Variants in IL1RAPL2 observed in about 807,000 individuals in gnomAD.
IL1RAPL2 encodes X-linked interleukin-1 receptor accessory protein-like 2.
In IL1RAPL2, 3 loss-of-function variants were observed where a neutral mutation model predicts 44.1. That is an observed-to-expected ratio of 0.07 (90% CI 0.03 to 0.18). IL1RAPL2 has a LOEUF of 0.18. IL1RAPL2 is among the 10% of genes least tolerant of loss of function. IL1RAPL2 has a pLI of 1.00. For missense variants in IL1RAPL2, 391 were observed against 496.4 expected (o/e 0.79, Z 2.02); for synonymous variants, 181 against 178.8 (o/e 1.01, Z -0.10).
At chrX:105,623,797 T>A (rs1051758536) in intron 6 of IL1RAPL2, among the ~76,000 whole-genome samples, 1 of 111,872 alleles carries the variant, frequency 8.9e-6, no homozygotes, top group Admixed American at 9.5e-5. Flanking sequence ...CAATAGATCA[T>A]GACCAAACAG....
At chrX:104,959,365 C>G (rs897514333) in intron 2 of IL1RAPL2, among the ~76,000 whole-genome samples, 9 of 110,305 alleles carry the variant, frequency 8.2e-5, no homozygotes, top group African/African-American at 2.3e-4. Flanking sequence ...GTCTACTGCA[C>G]GTATTCTTGG....
At chrX:105,172,646 C>T (rs148327300) in intron 2 of IL1RAPL2, among the ~76,000 whole-genome samples, 2,306 of 111,731 alleles carry the variant, frequency 0.021, 67 homozygotes, top group African/African-American at 0.072. Flanking sequence ...TCTGACTTCC[C>T]TCTCTTCTGC....
intron 6 of IL1RAPL2, among the ~76,000 whole-genome samples, chrX:105,485,367 A>G (rs1272905122): frequency 9.0e-6 from 1 of 111,514 alleles, no homozygotes; most frequent in Non-Finnish European, 1.9e-5. Context: ...TACATGAAAT[A>G]TTTTGATACA....
chrX:105,257,507 C>T (rs766936270), intron 4 of IL1RAPL2, among the ~76,000 whole-genome samples: 1 of 111,698 alleles, frequency 9.0e-6, no homozygotes, highest in African/African-American at 3.3e-5. Flanking sequence ...TTTTCTGCTT[C>T]GATGATCTGT....
chrX:104,838,690 C>A (rs5916834), intron 2 of IL1RAPL2, among the ~76,000 whole-genome samples: 5 of 109,523 alleles, frequency 4.6e-5, no homozygotes, highest in South Asian at 4.0e-4. Flanking sequence ...TTGATTTCCC[C>A]TCTTCCTATT....
At chrX:104,967,904 G>GA (rs970930520) in intron 2 of IL1RAPL2, among the ~76,000 whole-genome samples, 7 of 108,384 alleles carry the variant, frequency 6.5e-5, no homozygotes, top group Admixed American at 9.9e-5. Flanking sequence ...AAATCTGCAG[G>GA]AAAAAAAAGA....
chrX:104,758,700 G>A (rs1034518195), intron 2 of IL1RAPL2, among the ~76,000 whole-genome samples: 1 of 111,995 alleles, frequency 8.9e-6, no homozygotes, highest in African/African-American at 3.2e-5. Context: ...AGTTTTTTAA[G>A]CAGAAACTTG....
At chrX:105,128,543 A>G (rs2032997552) in intron 2 of IL1RAPL2, among the ~76,000 whole-genome samples, 1 of 111,551 alleles carries the variant, frequency 9.0e-6, no homozygotes, top group Non-Finnish European at 1.9e-5. Context: ...TATGATACAT[A>G]TAACTCATAT....
At chrX:105,074,640 C>A (rs931212829) in intron 2 of IL1RAPL2, among the ~76,000 whole-genome samples, 9 of 105,632 alleles carry the variant, frequency 8.5e-5, no homozygotes, top group South Asian at 4.5e-4. Flanking sequence ...GCAGTATGGC[C>A]ATTTTCACGA....
intron 2 of IL1RAPL2, among the ~76,000 whole-genome samples, chrX:104,683,075 T>C (rs943515743): frequency 9.0e-6 from 1 of 111,312 alleles, no homozygotes; most frequent in Non-Finnish European, 1.9e-5. Flanking sequence ...AAAGAAATGC[T>C]CTGCTGTATA....
intron 2 of IL1RAPL2, among the ~76,000 whole-genome samples, chrX:104,912,107 CTATCTTT>C (rs1259672228): frequency 1.1e-4 from 12 of 108,592 alleles, no homozygotes. Context: ...CATTGTCCTT[CTATCTTT>C]TATCAGCTGC....
chrX:105,729,598 G>C (rs759370418), intron 7 of IL1RAPL2, among the ~76,000 whole-genome samples: 2 of 110,242 alleles, frequency 1.8e-5, no homozygotes, highest in African/African-American at 3.3e-5. Context: ...CCATGTAGAA[G>C]TTTCTTAATC....
intron 2 of IL1RAPL2, among the ~76,000 whole-genome samples, chrX:105,171,604 G>A (rs982472042): frequency 8.2e-5 from 9 of 109,909 alleles, no homozygotes; most frequent in Non-Finnish European, 1.7e-4. Context: ...ATAGAATGTG[G>A]CACAGCTGGG....
At chrX:104,662,485 A>G (rs1930420088) in intron 2 of IL1RAPL2, among the ~76,000 whole-genome samples, 1 of 111,971 alleles carries the variant, frequency 8.9e-6, no homozygotes, top group South Asian at 3.8e-4. Flanking sequence ...AGCCTACTCT[A>G]TCAAAAACAA....
At chrX:105,216,801 C>T (rs918928046) in intron 3 of IL1RAPL2, among the ~76,000 whole-genome samples, 1 of 111,506 alleles carries the variant, frequency 9.0e-6, no homozygotes, top group Non-Finnish European at 1.9e-5. Flanking sequence ...TAACACCACA[C>T]ATCTACAACC....
At chrX:105,709,630 G>A (rs2038191990) in intron 6 of IL1RAPL2, among the ~76,000 whole-genome samples, 1 of 111,319 alleles carries the variant, frequency 9.0e-6, no homozygotes, top group Non-Finnish European at 1.9e-5. Flanking sequence ...GCAGTATAGT[G>A]GAAGGGCTGG....
chrX:105,688,530 T>C (rs768599511), intron 6 of IL1RAPL2, among the ~76,000 whole-genome samples: 1 of 111,580 alleles, frequency 9.0e-6, no homozygotes, highest in South Asian at 3.8e-4. Context: ...GTGAAGGACC[T>C]CTTCAAGGAG....
chrX:104,655,152 G>T (rs761972364), intron 1 of IL1RAPL2, among the ~76,000 whole-genome samples: 3 of 111,391 alleles, frequency 2.7e-5, no homozygotes, highest in South Asian at 3.8e-4. Context: ...TTTCCTAATT[G>T]AATACCCTTT....
chrX:104,720,062 A>G (rs1931647059), intron 2 of IL1RAPL2, among the ~76,000 whole-genome samples: 1 of 111,885 alleles, frequency 8.9e-6, no homozygotes, highest in Non-Finnish European at 1.9e-5. Context: ...AGTATCCTGT[A>G]CTACATCAAA....
Sources: allele counts gnomAD v4.1 joint callset (sites outside exome capture counted in the v4.1 genomes callset), GRCh38; gene constraint gnomAD v4.1.1; transcripts MANE v1.5; gene names NCBI Gene and HGNC (gene_info 2026-07-23, HGNC 2026-07-21).